The following SLC2A13 variants were observed in gnomAD, a reference collection of about 807,000 sequenced individuals.
SLC2A13 encodes the protein solute carrier family 2 member 13, also known as proton myo-inositol cotransporter.
Under a neutral mutation model 64.4 loss-of-function variants are expected in SLC2A13, and 32 were observed. That is an observed-to-expected ratio of 0.50 (90% confidence interval 0.37 to 0.67). The LOEUF (loss-of-function observed/expected upper bound fraction) is 0.67, where lower values mean the gene tolerates loss of function less well. Among genes scored for constraint, SLC2A13 ranks in the 30% least tolerant of loss-of-function variants. SLC2A13 has a pLI of 0.00. For missense variants in SLC2A13, 743 were observed against 829.2 expected, an observed-to-expected ratio of 0.90 and a Z score of 1.28; for synonymous variants, 338 against 327.1, an observed-to-expected ratio of 1.03 and a Z score of -0.36.
Position 39,896,547 on chromosome 12 carries a change from T to C in SLC2A13, c.1035-24586A>G, listed in dbSNP as rs193261990. Among the ~76,000 whole-genome samples, 17 of 141,186 alleles carry C rather than the reference T, an allele frequency of 1.2e-4. No homozygotes were observed. In the East Asian group the frequency reaches 3.8e-3, roughly 31 times the overall value. 92.6% of individuals were successfully genotyped at this position (141,186 alleles called of 152,430 possible). A position where few individuals can be genotyped will look rare whatever the true frequency, so the allele number is the denominator to read the frequency against. ...ATGTATACATGTATGTATGTATGTG[T>C]GTATACATGTATACATATATGTATG... is the stretch of plus-strand genomic sequence containing the variant. On this transcript the variant is annotated intron_variant, in intron 4 of 9. Coordinates refer to ENST00000280871, the MANE Select transcript of SLC2A13 (RefSeq NM_052885.4).
intron 1 of SLC2A13, among the ~76,000 whole-genome samples, chr12:40,077,526 C>T (rs1938225459): frequency 6.6e-6 from 1 of 152,176 alleles, no homozygotes; most frequent in Non-Finnish European, 1.5e-5. Flanking sequence ...TGTCTTTGTA[C>T]CAGTATCATG....
rs1282479004 is a variant in SLC2A13 at position 39,971,996 on chromosome 12, A to AT, written c.926-20632_926-20631insA. On this transcript the variant is annotated intron_variant, in intron 3 of 9. Coordinates refer to ENST00000280871, the MANE Select transcript of SLC2A13 (RefSeq NM_052885.4). ...AGAGTGTCTCCAGAAAAAAAAAAAAAAATATATATATATATATATTTTTTT... is the reference window on the plus strand; with the variant it reads ...AGAGTGTCTCCAGAAAAAAAAAAAAATAATATATATATATATATATTTTTTT... Among the ~76,000 whole-genome samples, 280 of 34,702 alleles carry AT rather than the reference A, an allele frequency of 8.1e-3. 1 individual carries two copies. Among genetic ancestry groups the AT allele is most frequent in the African/African-American group, 0.021 (253 of 12,128 alleles). The allele number at this position is 34,702 out of a possible 152,430, so 22.8% of individuals were successfully genotyped here.
At chr12:39,971,865 C>T (rs1946650941) in intron 3 of SLC2A13, among the ~76,000 whole-genome samples, 1 of 150,880 alleles carries the variant, frequency 6.6e-6, no homozygotes, top group African/African-American at 2.4e-5. Context: ...ATCCCAGCTA[C>T]TCAGGAGGCT....
chr12:39,898,692 T>C (rs1944995273), intron 4 of SLC2A13, among the ~76,000 whole-genome samples: 1 of 152,178 alleles, frequency 6.6e-6, no homozygotes, highest in South Asian at 2.1e-4. Context: ...AACTGCAGAT[T>C]GCAATCTCCC....
chr12:39,907,552 T>C (rs1003905584), intron 4 of SLC2A13: 1 of 152,126 alleles, frequency 6.6e-6, no homozygotes, highest in South Asian at 2.1e-4. Context: ...CTGCCCATAA[T>C]GTAGAGTGAT....
At chr12:39,993,103 A>C (rs1365563391) in intron 3 of SLC2A13, among the ~76,000 whole-genome samples, 1 of 152,212 alleles carries the variant, frequency 6.6e-6, no homozygotes, top group East Asian at 1.9e-4. Flanking sequence ...TACAATTCTA[A>C]AGTACTTATG....
rs1190441934 is a variant in SLC2A13 at position 39,758,370 on chromosome 12, G to A, written c.*1656C>T. The A allele has an allele frequency of 6.6e-6, 1 of 151,762 alleles. No individual in the cohort carries two copies. The highest frequency in any genetic ancestry group is 1.5e-5 in the Non-Finnish European group (1 of 67,722). The allele number at this position is 151,762 out of a possible 1,614,324, so 9.4% of individuals were successfully genotyped here. On this transcript the variant is annotated 3_prime_UTR_variant, in exon 10 of 10. Transcript: ENST00000280871. ...ACAAGCCAGACATTAAAAGAATAGA[G>A]TATCTTGGAGACTGGAAGAAATATT...
intron 3 of SLC2A13, among the ~76,000 whole-genome samples, chr12:39,988,087 A>G (rs560936329): frequency 6.6e-6 from 1 of 152,178 alleles, no homozygotes; most frequent in South Asian, 2.1e-4. Context: ...ATTGCAAGGA[A>G]CAATCTTCTA....
chr12:39,833,287 A>T (rs535845931), intron 6 of SLC2A13, among the ~76,000 whole-genome samples: 1 of 152,212 alleles, frequency 6.6e-6, no homozygotes, highest in East Asian at 1.9e-4. Flanking sequence ...GCCCTTTTAA[A>T]GTTTGCTGAT....
chr12:39,889,843 T>A (rs1944560686), intron 4 of SLC2A13, among the ~76,000 whole-genome samples: 1 of 152,162 alleles, frequency 6.6e-6, no homozygotes, highest in Admixed American at 6.6e-5. Flanking sequence ...AACAACCTTT[T>A]AAAGGCCAAA....
chr12:39,840,377 A>T (rs957662345), intron 6 of SLC2A13, among the ~76,000 whole-genome samples: 1 of 151,974 alleles, frequency 6.6e-6, no homozygotes, highest in African/African-American at 2.4e-5. Flanking sequence ...ATCTAACCTG[A>T]TCAGATTTCT....
chr12:39,911,937 C>T (rs1337569859), intron 4 of SLC2A13, among the ~76,000 whole-genome samples: 1 of 151,990 alleles, frequency 6.6e-6, no homozygotes, highest in African/African-American at 2.4e-5. Context: ...ATTATGAGAG[C>T]TCCCTGAGCT....
chr12:39,890,611 T>G (rs1944581949), intron 4 of SLC2A13, among the ~76,000 whole-genome samples: 1 of 152,206 alleles, frequency 6.6e-6, no homozygotes, highest in Non-Finnish European at 1.5e-5. Context: ...TGTGGGATTT[T>G]TTTCATTTTT....
rs377588213 is a variant in SLC2A13, at chr12:39,896,123, T to C, written c.1035-24162A>G. 1.1e-3 allele frequency among the ~76,000 whole-genome samples: 168 copies of C among 149,386 alleles called. 1 individual carries two copies. The South Asian group carries it at 0.013, about 12-fold the overall frequency. ...GTGTATACATATATGAATGCATACA[T>C]ATATGTATACACGTGTACCTATATA... is the stretch of plus-strand genomic sequence containing the variant. On this transcript the variant is annotated intron_variant, in intron 4 of 9. Transcript: ENST00000280871.
intron 3 of SLC2A13, among the ~76,000 whole-genome samples, chr12:40,012,953 C>T (rs1439583752): frequency 1.3e-5 from 2 of 152,220 alleles, no homozygotes; most frequent in Non-Finnish European, 2.9e-5. Context: ...CCACTTCTAA[C>T]TCTGTGCTTT....
intron 4 of SLC2A13, among the ~76,000 whole-genome samples, chr12:39,930,847 C>T (rs1024639847): frequency 6.6e-6 from 1 of 152,160 alleles, no homozygotes; most frequent in African/African-American, 2.4e-5. Flanking sequence ...TAGGCAAACT[C>T]ATTTCACTGT....
intron 4 of SLC2A13, among the ~76,000 whole-genome samples, chr12:39,893,334 C>T (rs1944660649): frequency 6.6e-6 from 1 of 152,220 alleles, no homozygotes; most frequent in South Asian, 2.1e-4. Flanking sequence ...GAGTCTCACT[C>T]TGTCGCCCAG....
intron 1 of SLC2A13, among the ~76,000 whole-genome samples, chr12:40,099,899 G>A (rs1159085207): frequency 6.7e-6 from 1 of 148,344 alleles, no homozygotes; most frequent in Admixed American, 6.7e-5. Context: ...GGGGAGTAGT[G>A]GAAAAAAAAA....
chr12:40,097,965 G>C (rs1189217921), intron 1 of SLC2A13, among the ~76,000 whole-genome samples: 1 of 151,908 alleles, frequency 6.6e-6, no homozygotes, highest in African/African-American at 2.4e-5. Context: ...AAGAGGGAGA[G>C]GCAACTCAAA....
Sources: gnomAD v4.1 joint callset for allele counts (sites outside exome capture counted in the v4.1 genomes callset) on GRCh38, gnomAD v4.1.1 for gene constraint, MANE v1.5 for transcripts, NCBI Gene and HGNC (gene_info 2026-07-23, HGNC 2026-07-21) for gene names.